Variants in CCDC91 observed in about 807,000 individuals in gnomAD.
The protein encoded by CCDC91 is coiled-coil domain containing 91.
In CCDC91, 48 loss-of-function variants were observed where a neutral mutation model predicts 63.2. That is an observed-to-expected ratio of 0.76 (90% CI 0.60 to 0.97). The LOEUF (loss-of-function observed/expected upper bound fraction) is 0.97, where lower values mean the gene tolerates loss of function less well. CCDC91 is among the 50% of genes least tolerant of loss of function. CCDC91 has a pLI of 0.00. For missense variants in CCDC91, 500 were observed against 494.6 expected, an observed-to-expected ratio of 1.01 and a Z score of -0.10; for synonymous variants, 167 against 165.8, an observed-to-expected ratio of 1.01 and a Z score of -0.06.
At chr12:28,494,751 G>T (rs1952191254) in intron 12 of CCDC91, among the ~76,000 whole-genome samples, 1 of 151,658 alleles carries the variant, frequency 6.6e-6, no homozygotes, top group Non-Finnish European at 1.5e-5. Context: ...GGTGTTCTCT[G>T]TGTATTGAGA....
intron 1 of CCDC91, among the ~76,000 whole-genome samples, chr12:28,246,272 G>T (rs1474514006): frequency 1.3e-5 from 2 of 152,132 alleles, no homozygotes; most frequent in East Asian, 3.8e-4. Context: ...TAAGGATTGT[G>T]AGTCCAGATA....
At chr12:28,241,559 A>G (rs779613029) in intron 1 of CCDC91, among the ~76,000 whole-genome samples, 2 of 152,160 alleles carry the variant, frequency 1.3e-5, no homozygotes, top group Non-Finnish European at 2.9e-5. Flanking sequence ...ATCTTTCTCT[A>G]GAGTTCTCGA....
At chr12:28,531,933 A>C (rs1211906730) in intron 12 of CCDC91, among the ~76,000 whole-genome samples, 1 of 152,130 alleles carries the variant, frequency 6.6e-6, no homozygotes, top group Non-Finnish European at 1.5e-5. Flanking sequence ...AGGAAGGAGC[A>C]GGGTAATGAA....
intron 3 of CCDC91, among the ~76,000 whole-genome samples, chr12:28,289,414 A>G (rs1035917976): frequency 6.6e-6 from 1 of 152,040 alleles, no homozygotes; most frequent in African/African-American, 2.4e-5. Context: ...AGACTTCTTG[A>G]TTTCTGCCTT....
chr12:28,395,274 A>G (rs541164025), intron 8 of CCDC91, among the ~76,000 whole-genome samples: 3 of 152,294 alleles, frequency 2.0e-5, no homozygotes, highest in African/African-American at 4.8e-5. Flanking sequence ...CAGTTCTCCA[A>G]CTGCCTGGAC....
At chr12:28,235,900 G>C (rs1944915321) in intron 1 of CCDC91, among the ~76,000 whole-genome samples, 1 of 151,922 alleles carries the variant, frequency 6.6e-6, no homozygotes, top group African/African-American at 2.4e-5. Context: ...TATATCATCT[G>C]TAATCATAAA....
Position 28,267,847 on chromosome 12 carries a change from ATATAGTAATATATAATT to A in CCDC91, c.109+8406_109+8422del, listed in dbSNP as rs1565700285. On this transcript the variant is annotated intron_variant, in intron 3 of 12. Transcript: ENST00000536442. ...TATTAATATATAATTATATATAATTATATAGTAATATATAATTATATATAATTATATATAATTATTAT... is the reference window on the plus strand; with the variant it reads ...TATTAATATATAATTATATATAATTAATATATAATTATATATAATTATTAT... Among the ~76,000 whole-genome samples the A allele has an allele frequency of 2.7e-4, 4 of 14,984 alleles. No individual in the cohort carries two copies. In the Admixed American group the frequency reaches 5.1e-3, roughly 19 times the overall value. The allele number at this position is 14,984 out of a possible 152,430, so 9.8% of individuals were successfully genotyped here.
At chr12:28,545,923 C>T (rs1281906750) in intron 12 of CCDC91, among the ~76,000 whole-genome samples, 1 of 152,028 alleles carries the variant, frequency 6.6e-6, no homozygotes, top group Non-Finnish European at 1.5e-5. Context: ...AGAAAAGTTT[C>T]TCATTTATCT....
At chr12:28,272,021 A>G (rs1203231238) in intron 3 of CCDC91, among the ~76,000 whole-genome samples, 3 of 151,696 alleles carry the variant, frequency 2.0e-5, no homozygotes, top group Non-Finnish European at 4.4e-5. Context: ...TTAAATTGAC[A>G]GTTATTTCTT....
chr12:28,392,692 A>C (rs562296236), intron 8 of CCDC91, among the ~76,000 whole-genome samples: 9 of 152,330 alleles, frequency 5.9e-5, no homozygotes, highest in African/African-American at 2.2e-4. Context: ...CAAAGTCTCT[A>C]TCTCACAGGC....
chr12:28,380,784 A>T (rs543170506), intron 7 of CCDC91, among the ~76,000 whole-genome samples: 32 of 152,276 alleles, frequency 2.1e-4, no homozygotes, highest in Middle Eastern at 3.4e-3. Flanking sequence ...TCAATTATTT[A>T]GTTTTTAGTC....
At chr12:28,508,939 G>C (rs1939056618) in intron 12 of CCDC91, among the ~76,000 whole-genome samples, 1 of 151,954 alleles carries the variant, frequency 6.6e-6, no homozygotes, top group Non-Finnish European at 1.5e-5. Flanking sequence ...GTGGATTACA[G>C]GATATGATCT....
chr12:28,334,095 C>T (rs556257038), intron 6 of CCDC91, among the ~76,000 whole-genome samples: 1 of 151,196 alleles, frequency 6.6e-6, no homozygotes, highest in South Asian at 2.1e-4. Context: ...TGTCTTTTAG[C>T]CTTAAAGTAT....
chr12:28,495,173 A>AT (rs1952212033), intron 12 of CCDC91, among the ~76,000 whole-genome samples: 1 of 151,702 alleles, frequency 6.6e-6, no homozygotes, highest in Admixed American at 6.6e-5. Flanking sequence ...TACAGTCTCT[A>AT]TCTGTGATAT....
chr12:28,491,722 T>A (rs370833401), intron 12 of CCDC91, among the ~76,000 whole-genome samples: 147 of 151,962 alleles, frequency 9.7e-4, no homozygotes, highest in African/African-American at 3.2e-3. Flanking sequence ...TTTTCTAGAT[T>A]CTTGATATAC....
At position 28,359,784 on chromosome 12, in the gene CCDC91, A is replaced by G. The variant is rs554116825; in HGVS notation, c.577-2654A>G. On this transcript the variant is annotated intron_variant, in intron 6 of 12. Coordinates refer to ENST00000536442, the MANE Select transcript of CCDC91 (RefSeq NM_018318.5). ...AAACATAAAATGGCAGAATATTTCT[A>G]TTTACTTTTAAAATCTTGAGCAATG... is the stretch of plus-strand genomic sequence containing the variant. Among the ~76,000 whole-genome samples the G allele has an allele frequency of 3.3e-5, 5 of 151,150 alleles. No homozygotes were observed. In the South Asian group the frequency reaches 6.2e-4, roughly 19 times the overall value.
At chr12:28,497,269 C>T (rs1431952189) in intron 12 of CCDC91, among the ~76,000 whole-genome samples, 1 of 151,336 alleles carries the variant, frequency 6.6e-6, no homozygotes, top group African/African-American at 2.4e-5. Flanking sequence ...TATCCATGGC[C>T]TCTGCTATTT....
chr12:28,277,580 A>T (rs564005381), intron 3 of CCDC91, among the ~76,000 whole-genome samples: 4 of 152,148 alleles, frequency 2.6e-5, no homozygotes, highest in Admixed American at 2.6e-4. Flanking sequence ...GATGGTAAAT[A>T]TTCTGAAATC....
intron 6 of CCDC91, among the ~76,000 whole-genome samples, chr12:28,357,725 G>T (rs1349053472): frequency 1.3e-5 from 2 of 151,932 alleles, no homozygotes; most frequent in East Asian, 1.9e-4. Flanking sequence ...CACATTTTTT[G>T]ACTTATCTGG....
Sources: allele counts gnomAD v4.1 joint callset (sites outside exome capture counted in the v4.1 genomes callset), GRCh38; gene constraint gnomAD v4.1.1; transcripts MANE v1.5; gene names NCBI Gene and HGNC (gene_info 2026-07-23, HGNC 2026-07-21).